SLC38A12: variants seen among roughly 807,000 people sequenced by gnomAD.
SLC38A12 encodes putative sodium-coupled neutral amino acid transporter 12.
the SLC38A12 span, chr17:74,837,284 T>C: frequency 1.0e-6 from 1 of 985,544 alleles, no homozygotes; most frequent in Non-Finnish European, 1.2e-6. Flanking sequence ...CAAGAAGTGC[T>C]AACTGGTACC....
At chr17:74,783,729 T>C in the SLC38A12 span, among the ~76,000 whole-genome samples, 2,161 of 49,004 alleles carry the variant, frequency 0.044, 57 homozygotes, top group African/African-American at 0.086. Context: ...TTCTTTTTTT[T>C]TTTTTTTTTT....
the SLC38A12 span, among the ~76,000 whole-genome samples, chr17:74,815,610 T>A: frequency 5.9e-5 from 9 of 152,186 alleles, no homozygotes; most frequent in African/African-American, 1.9e-4. Context: ...CTTTTGCATA[T>A]GACACAGAAG....
At chr17:74,829,544 G>C in the SLC38A12 span, among the ~76,000 whole-genome samples, 2 of 152,180 alleles carry the variant, frequency 1.3e-5, no homozygotes, top group East Asian at 3.8e-4. The surrounding 1 kb of genome is among the most constrained non-coding windows in gnomAD (Gnocchi z 4.1). Context: ...AGCCCAATGG[G>C]TTTGTTGCCA....
the SLC38A12 span, chr17:74,795,738 A>G: frequency 2.8e-3 from 2,437 of 861,610 alleles, 37 homozygotes; most frequent in African/African-American, 0.035. Context: ...AGAGAGGAGG[A>G]TCTACTCTTC....
At chr17:74,800,984 CAT>C in the SLC38A12 span, among the ~76,000 whole-genome samples, 8 of 152,218 alleles carry the variant, frequency 5.3e-5, no homozygotes, top group Non-Finnish European at 1.2e-4. Context: ...TCCACCCTCT[CAT>C]GTGGTTCACG....
the SLC38A12 span, among the ~76,000 whole-genome samples, chr17:74,793,209 G>T: frequency 1.3e-5 from 2 of 152,110 alleles, no homozygotes; most frequent in African/African-American, 2.4e-5. Flanking sequence ...TTGATGTTTG[G>T]GCTGGGGAAT....
the SLC38A12 span, among the ~76,000 whole-genome samples, chr17:74,820,720 G>T: frequency 6.6e-6 from 1 of 152,196 alleles, no homozygotes; most frequent in Admixed American, 6.5e-5. Flanking sequence ...CTCTAGAGGA[G>T]CCAAGGCTGG....
At chr17:74,824,475 G>A in the SLC38A12 span, among the ~76,000 whole-genome samples, 2 of 152,312 alleles carry the variant, frequency 1.3e-5, no homozygotes, top group East Asian at 1.9e-4. Context: ...GGGAGCTCTC[G>A]GGCTGAAGTA....
chr17:74,829,339 G>A, the SLC38A12 span, among the ~76,000 whole-genome samples: 1 of 152,190 alleles, frequency 6.6e-6, no homozygotes, highest in African/African-American at 2.4e-5. The surrounding 1 kb of genome is among the most constrained non-coding windows in gnomAD (Gnocchi z 4.1). Flanking sequence ...GGCCAGGCTG[G>A]TCTCAAACTC....
chr17:74,791,407 G>C, the SLC38A12 span, among the ~76,000 whole-genome samples: 2 of 152,148 alleles, frequency 1.3e-5, no homozygotes, highest in Admixed American at 1.3e-4. Context: ...ACCCCAGGCA[G>C]CTACTCCAGT....
chr17:74,809,241 A>T, the SLC38A12 span, among the ~76,000 whole-genome samples: 1 of 152,140 alleles, frequency 6.6e-6, no homozygotes, highest in African/African-American at 2.4e-5. Context: ...GGGGAAGCAG[A>T]GGTTTGAGGA....
At chr17:74,795,697 T>C in the SLC38A12 span, 1 of 1,266,402 alleles carries the variant, frequency 7.9e-7, no homozygotes, top group Non-Finnish European at 1.1e-6. Context: ...GCATTTGAAG[T>C]GCCTTTACTT....
chr17:74,837,212 A>G, the SLC38A12 span: 1 of 985,602 alleles, frequency 1.0e-6, no homozygotes, highest in African/African-American at 1.7e-5. Flanking sequence ...CCACCCTCCC[A>G]CCAGGCCTGG....
chr17:74,788,072 G>T, the SLC38A12 span, among the ~76,000 whole-genome samples: 1 of 152,096 alleles, frequency 6.6e-6, no homozygotes, highest in Admixed American at 6.5e-5. Context: ...GGGTTTACAG[G>T]CATGAGCCAC....
chr17:74,796,744 G>T, the SLC38A12 span, among the ~76,000 whole-genome samples: 4 of 152,384 alleles, frequency 2.6e-5, no homozygotes, highest in African/African-American at 7.2e-5. Flanking sequence ...TGCAGGTCTG[G>T]TGGGAATTTG....
the SLC38A12 span, chr17:74,836,807 G>A: frequency 6.9e-7 from 1 of 1,447,124 alleles, no homozygotes; most frequent in Non-Finnish European, 9.0e-7. The surrounding 1 kb of genome is among the most constrained non-coding windows in gnomAD (Gnocchi z 4.2). Context: ...TGTGGCTCTA[G>A]GGGAAACCCC....
At chr17:74,777,630 T>C in the SLC38A12 span, 11 of 1,445,902 alleles carry the variant, frequency 7.6e-6, no homozygotes, top group Non-Finnish European at 8.2e-6. Context: ...TTTATAATGT[T>C]AATCCCGGGC....
At chr17:74,816,089 CTT>C in the SLC38A12 span, among the ~76,000 whole-genome samples, 1 of 152,210 alleles carries the variant, frequency 6.6e-6, no homozygotes, top group African/African-American at 2.4e-5. Flanking sequence ...TAGGCACTCT[CTT>C]TACTCCCTAC....
At chr17:74,789,164 G>A in the SLC38A12 span, among the ~76,000 whole-genome samples, 10 of 152,140 alleles carry the variant, frequency 6.6e-5, no homozygotes, top group Admixed American at 1.3e-4. Context: ...TCCCGAGTGC[G>A]TCTCTGCCAC....
Sources: gnomAD v4.1 joint callset for allele counts (sites outside exome capture counted in the v4.1 genomes callset) on GRCh38, gnomAD v4.1.1 for gene constraint, Gnocchi (gnomAD v3.1) non-coding constraint, MANE v1.5 for transcripts, NCBI Gene and HGNC (gene_info 2026-07-23, HGNC 2026-07-21) for gene names.